The following TTC7A variants were observed in gnomAD, a reference collection of about 807,000 sequenced individuals.
TTC7A encodes the protein tetratricopeptide repeat protein 7A.
A neutral mutation model predicts 103.7 loss-of-function variants in TTC7A; 110 were observed. That is an observed-to-expected ratio of 1.06 (90% CI 0.91 to 1.24). The LOEUF (loss-of-function observed/expected upper bound fraction) is 1.24. Among genes scored for constraint, TTC7A ranks in the 50% most tolerant of loss-of-function variants. TTC7A has a pLI of 0.00. For synonymous variants in TTC7A, 521 were observed against 467.9 expected (o/e 1.11, Z -1.47); for missense variants, 1,340 against 1,116.3 (o/e 1.20, Z -2.86).
At chr2:46,950,335 C>T (rs1671294001) in intron 1 of TTC7A, 28 bp from the exon 2 acceptor site, 1 of 1,612,574 alleles carries the variant, frequency 6.2e-7, no homozygotes, top group Admixed American at 1.7e-5. Context: ...TCGGGGTTTG[C>T]TGCTCTGACC....
chr2:47,023,531 G>C, intron 13 of TTC7A, 66 bp downstream of exon 13: 1 of 1,510,260 alleles, frequency 6.6e-7, no homozygotes, highest in Non-Finnish European at 9.2e-7. Context: ...CAAGCTTTAC[G>C]TCATCAGACC....
intron 1 of TTC7A, among the ~76,000 whole-genome samples, chr2:46,948,387 A>G (rs376249177): frequency 1.3e-5 from 2 of 152,234 alleles, no homozygotes; most frequent in Non-Finnish European, 2.9e-5. Context: ...AAATTACCCT[A>G]GAGGTTCTAC....
In TTC7A at chr2:47,013,818, C is replaced by A. The variant is rs569947402; in HGVS notation, c.1392+2383C>A. Among the ~76,000 whole-genome samples, 5 of 152,288 alleles carry A rather than the reference C, an allele frequency of 3.3e-5. No homozygotes were observed. In the South Asian group the frequency reaches 8.3e-4, roughly 25 times the overall value. ...AAACATGCAGACTTGTCATCAGAAT[C>A]GAGGAGAAGGGTGAGCTGTTTAACT... On this transcript the variant is annotated intron_variant, in intron 11 of 19. Coordinates refer to ENST00000319190, the MANE Select transcript of TTC7A (RefSeq NM_020458.4).
chr2:47,069,404 G>A (rs1327177031), intron 19 of TTC7A, among the ~76,000 whole-genome samples: 2 of 152,178 alleles, frequency 1.3e-5, no homozygotes, highest in African/African-American at 4.8e-5. Context: ...AAAGGGACAG[G>A]TACTCACTAC....
intron 19 of TTC7A, among the ~76,000 whole-genome samples, chr2:47,065,485 T>C (rs1684110226): frequency 6.6e-6 from 1 of 152,214 alleles, no homozygotes. Context: ...TAGATTCCTT[T>C]GTGCCATCTC....
intron 2 of TTC7A, chr2:46,917,302 A>C: frequency 1.5e-6 from 1 of 652,428 alleles, no homozygotes; most frequent in Non-Finnish European, 2.7e-6. Flanking sequence ...CGGGACAAAG[A>C]ATCCCTAAGT....
intron 2 of TTC7A, among the ~76,000 whole-genome samples, chr2:46,926,090 C>T (rs2103820958): frequency 6.6e-6 from 1 of 152,274 alleles, no homozygotes; most frequent in Admixed American, 6.5e-5. Context: ...TGCTTCCCAC[C>T]CTGCCCCCTC....
Position 46,917,279 on chromosome 2 carries a change from T to G in TTC7A, c.82+2T>G. ...TCCCAAAGTGCTGGGATTACAGGGG[T>G]GAGCCACCGCGCCGGGACAAAGAAT... On this transcript the variant is annotated splice_donor_variant, in intron 2 of 20. Transcript: ENST00000409245. LOFTEE classifies it high-confidence loss of function. 1.5e-6 allele frequency: 1 copy of G among 677,874 alleles called. No individual in the cohort carries two copies. The highest frequency in any genetic ancestry group is 2.7e-6 in the Non-Finnish European group (1 of 377,184). 42.0% of individuals were successfully genotyped at this position (677,874 alleles called of 1,614,324 possible). A position where few individuals can be genotyped will look rare whatever the true frequency, so the allele number is the denominator to read the frequency against.
Position 47,073,988 on chromosome 2 carries a change from G to T in TTC7A, c.*65G>T. On this transcript the variant is annotated 3_prime_UTR_variant, in exon 20 of 20. Coordinates refer to ENST00000319190, the MANE Select transcript of TTC7A (RefSeq NM_020458.4). ...GAGAGGCAGCAGGGAACGTGGGTCA[G>T]GGTGGGGCAACAGTGGCATCAGGTG... 1 of 1,376,556 alleles carries T rather than the reference G, an allele frequency of 7.3e-7. No homozygotes were observed. 85.3% of individuals were successfully genotyped at this position (1,376,556 alleles called of 1,614,324 possible). A position where few individuals can be genotyped will look rare whatever the true frequency, so the allele number is the denominator to read the frequency against.
intron 8 of TTC7A, among the ~76,000 whole-genome samples, chr2:47,004,593 A>G (rs1252633838): frequency 1.3e-5 from 2 of 152,104 alleles, no homozygotes; most frequent in African/African-American, 4.8e-5. Context: ...GAGGAGGGCA[A>G]GTACTATTGT....
intron 15 of TTC7A, among the ~76,000 whole-genome samples, chr2:47,036,347 G>A (rs1421130349): frequency 6.6e-5 from 10 of 152,208 alleles, no homozygotes; most frequent in Non-Finnish European, 1.2e-4. Context: ...GTGAGATCAC[G>A]TTAAATGAAT....
chr2:47,071,698 G>T (rs552753969), intron 19 of TTC7A, among the ~76,000 whole-genome samples: 1 of 152,160 alleles, frequency 6.6e-6, no homozygotes, highest in East Asian at 1.9e-4. Flanking sequence ...CCTCCCTACA[G>T]ACACACACAG....
At chr2:46,971,085 T>G (rs1257877509) in intron 3 of TTC7A, among the ~76,000 whole-genome samples, 1 of 152,252 alleles carries the variant, frequency 6.6e-6, no homozygotes, top group Non-Finnish European at 1.5e-5. Flanking sequence ...TTGTGTTTTT[T>G]CATCCAGCCA....
At chr2:47,060,236 G>C (rs1394284995) in intron 18 of TTC7A, among the ~76,000 whole-genome samples, 2 of 152,082 alleles carry the variant, frequency 1.3e-5, no homozygotes, top group African/African-American at 4.8e-5. Flanking sequence ...CAGGCGTGGT[G>C]GTGCGTGCCT....
intron 10 of TTC7A, among the ~76,000 whole-genome samples, chr2:47,008,733 A>G (rs917729484): frequency 6.6e-6 from 1 of 152,192 alleles, no homozygotes; most frequent in Non-Finnish European, 1.5e-5. Flanking sequence ...CCTAAGGTGG[A>G]ATCAAGGGCC....
At chr2:47,048,689 G>T (rs6731390) in intron 16 of TTC7A, among the ~76,000 whole-genome samples, 1 of 152,022 alleles carries the variant, frequency 6.6e-6, no homozygotes, top group African/African-American at 2.4e-5. Flanking sequence ...TGCAGCCTCT[G>T]TCCCCTGGGC....
At chr2:47,044,935 C>T (rs1682152025) in intron 15 of TTC7A, among the ~76,000 whole-genome samples, 1 of 152,204 alleles carries the variant, frequency 6.6e-6, no homozygotes, top group African/African-American at 2.4e-5. Flanking sequence ...AGAGGGGCAA[C>T]TGCCAGGGGC....
At chr2:46,922,757 A>G (rs967817895) in intron 2 of TTC7A, among the ~76,000 whole-genome samples, 1 of 152,160 alleles carries the variant, frequency 6.6e-6, no homozygotes, top group Non-Finnish European at 1.5e-5. Context: ...CTCTTCCCAC[A>G]CTGGAGGAAG....
intron 8 of TTC7A, 55 bp downstream of exon 8, chr2:46,995,254 G>C (rs1328233645): frequency 1.8e-5 from 28 of 1,588,750 alleles, no homozygotes; most frequent in Non-Finnish European, 2.3e-5. Context: ...TGTGGGGAAG[G>C]GCTGTGGGGC....
Sources: allele counts gnomAD v4.1 joint callset (sites outside exome capture counted in the v4.1 genomes callset), GRCh38; gene constraint gnomAD v4.1.1; transcripts MANE v1.5; gene names NCBI Gene and HGNC (gene_info 2026-07-23, HGNC 2026-07-21).